The following PGGT1B variants were observed in gnomAD, a reference collection of about 807,000 sequenced individuals.
The protein encoded by PGGT1B is geranylgeranyl transferase type-1 subunit beta.
In PGGT1B, 30 loss-of-function variants were observed where a neutral mutation model predicts 46.1. That is an observed-to-expected ratio of 0.65 (90% CI 0.49 to 0.88). The LOEUF (loss-of-function observed/expected upper bound fraction) is 0.88. PGGT1B is among the 40% of genes least tolerant of loss of function. The pLI, the probability that PGGT1B is intolerant of heterozygous loss-of-function variation, is 0.00. For synonymous variants in PGGT1B, 170 were observed against 160.0 expected (o/e 1.06, Z -0.47); for missense variants, 376 against 455.9 (o/e 0.82, Z 1.60).
At chr5:115,215,999 T>C (rs1221742527) in intron 8 of PGGT1B, among the ~76,000 whole-genome samples, 4 of 152,154 alleles carry the variant, frequency 2.6e-5, no homozygotes, top group Admixed American at 2.0e-4. Context: ...TGCAGAATGA[T>C]GCTAGAGGTG....
chr5:115,260,332 G>T (rs1350521012), intron 1 of PGGT1B, among the ~76,000 whole-genome samples: 2 of 152,064 alleles, frequency 1.3e-5, no homozygotes, highest in Non-Finnish European at 2.9e-5. Flanking sequence ...ACGAACAGAG[G>T]AACACCTGAA....
At chr5:115,257,114 G>T (rs192346375) in intron 1 of PGGT1B, among the ~76,000 whole-genome samples, 462 of 152,142 alleles carry the variant, frequency 3.0e-3, no homozygotes, top group Non-Finnish European at 3.2e-3. Flanking sequence ...CAATCAAGTT[G>T]CTTTACCAAA....
chr5:115,253,185 C>G lies in PGGT1B; in HGVS notation c.211G>C (p.Asp71His). The G allele has an allele frequency of 6.2e-7, 1 of 1,605,582 alleles. No individual in the cohort carries two copies. The highest frequency in any genetic ancestry group is 8.5e-7 in the Non-Finnish European group (1 of 1,176,024). The change falls in exon 2 of 9, where the codon GAT becomes CAT. Residue 71 changes from aspartate (D) to histidine (H), a missense_variant. Asp to His is a moderately conservative substitution (Grantham distance 81). This residue lies in a region of PGGT1B where 154 missense variants were observed against 142.3 expected (regional missense o/e 1.08). Coordinates refer to ENST00000419445, the MANE Select transcript of PGGT1B (RefSeq NM_005023.4). ...LDSLDVVNKD[D>H]IIEWIYSLQV... is the part of the protein sequence containing the mutation. Reference sequence around the variant, plus strand: ...AGGGAATAAATCCACTCTATTATATCATCTTTGTTCACCACATCTAAGGAA... The same window carrying G: ...AGGGAATAAATCCACTCTATTATATGATCTTTGTTCACCACATCTAAGGAA...
Position 115,236,443 on chromosome 5 carries a change from T to C in PGGT1B, c.559A>G (p.Asn187Asp), listed in dbSNP as rs773460027. The change falls in exon 5 of 9, where the codon AAC becomes GAC. Residue 187 changes from asparagine to aspartate, a missense_variant. By Grantham distance (23) the Asn-to-Asp change is conservative. Around this residue, in one of 2 missense-constraint regions of PGGT1B, gnomAD observed 222 missense variants for 313.6 expected, o/e 0.71. Transcript: ENST00000419445. ...CASCICYMLN[N>D]WSGMDMKKAI... is the part of the protein sequence containing the mutation. ...TTTTTCATATCCATGCCTGACCAGT[T>C]GTTGAGCATATAGCAAATACAGGAA... 1.3e-6 allele frequency: 2 copies of C among 1,598,942 alleles called. No homozygotes were observed. The highest frequency in any genetic ancestry group is 2.3e-5 in the South Asian group (2 of 88,170).
Position 115,212,154 on chromosome 5 carries a change from A to G in PGGT1B, c.*248T>C, listed in dbSNP as rs1756252434. On this transcript the variant is annotated 3_prime_UTR_variant, in exon 9 of 9. Coordinates refer to ENST00000419445, the MANE Select transcript of PGGT1B (RefSeq NM_005023.4). Reference sequence around the variant, plus strand: ...ACATACAGTTAATTTGCCTCAAACAACTTCTTAGAAATACAGTATAAACAT... The same window carrying G: ...ACATACAGTTAATTTGCCTCAAACAGCTTCTTAGAAATACAGTATAAACAT... 4.2e-6 allele frequency: 2 copies of G among 481,454 alleles called. No homozygotes were observed. Among genetic ancestry groups the G allele is most frequent in the East Asian group, 4.2e-5 (1 of 23,630 alleles). The allele number at this position is 481,454 out of a possible 1,614,324, so 29.8% of individuals were successfully genotyped here. A position where few individuals can be genotyped will look rare whatever the true frequency, so the allele number is the denominator to read the frequency against.
chr5:115,251,649 G>C (rs1021399160), intron 2 of PGGT1B, among the ~76,000 whole-genome samples: 1 of 151,914 alleles, frequency 6.6e-6, no homozygotes, highest in African/African-American at 2.4e-5. Context: ...TTTCTATAAA[G>C]ACAATAGCTA....
At chr5:115,223,920 T>C (rs2126997466) in intron 6 of PGGT1B, among the ~76,000 whole-genome samples, 1 of 152,202 alleles carries the variant, frequency 6.6e-6, no homozygotes, top group East Asian at 1.9e-4. Context: ...TTGTTCCTAA[T>C]ACATCTCATG....
chr5:115,240,115 C>T (rs766540362), intron 3 of PGGT1B, among the ~76,000 whole-genome samples: 1 of 152,034 alleles, frequency 6.6e-6, no homozygotes, highest in Non-Finnish European at 1.5e-5. Flanking sequence ...TTCCTTTTAC[C>T]ACCCAGAATT....
At chr5:115,239,211 T>G (rs1288517526) in intron 3 of PGGT1B, among the ~76,000 whole-genome samples, 1 of 152,102 alleles carries the variant, frequency 6.6e-6, no homozygotes, top group Non-Finnish European at 1.5e-5. Context: ...TCCAGCTAAT[T>G]TTTGTATTTT....
At chr5:115,225,102 C>T (rs1302006647) in intron 6 of PGGT1B, among the ~76,000 whole-genome samples, 1 of 151,944 alleles carries the variant, frequency 6.6e-6, no homozygotes, top group East Asian at 1.9e-4. Flanking sequence ...TTGAATTCAT[C>T]AAGAAAAGGT....
chr5:115,237,550 T>A (rs1327061163), intron 4 of PGGT1B, among the ~76,000 whole-genome samples: 2 of 152,186 alleles, frequency 1.3e-5, no homozygotes, highest in African/African-American at 4.8e-5. Flanking sequence ...TACTTCAAAA[T>A]ATCAATTTTT....
At chr5:115,247,271 G>A (rs942482463) in intron 2 of PGGT1B, among the ~76,000 whole-genome samples, 1 of 152,006 alleles carries the variant, frequency 6.6e-6, no homozygotes, top group Non-Finnish European at 1.5e-5. Flanking sequence ...TTTTAATCAG[G>A]GGAGTTGCTT....
chr5:115,258,789 CA>C (rs1748429721), intron 1 of PGGT1B, among the ~76,000 whole-genome samples: 2 of 152,210 alleles, frequency 1.3e-5, no homozygotes, highest in African/African-American at 4.8e-5. Flanking sequence ...TTTGTCTAGT[CA>C]GGGGATTAGC....
intron 2 of PGGT1B, among the ~76,000 whole-genome samples, chr5:115,248,528 C>G (rs534400484): frequency 6.6e-6 from 1 of 152,312 alleles, no homozygotes; most frequent in Admixed American, 6.5e-5. Context: ...TTCCCGAATA[C>G]TTCCCTCCTG....
chr5:115,230,947 T>C (rs201504808), intron 6 of PGGT1B, 29 bp downstream of exon 6: 59 of 1,429,906 alleles, frequency 4.1e-5, no homozygotes, highest in Non-Finnish European at 5.5e-5. Flanking sequence ...CAAAAGAAAC[T>C]ACATGTTCAC....
chr5:115,262,877 C>T lies in PGGT1B; in HGVS notation c.-26G>A, dbSNP rs767097398. ...GCTGCTCCGGAAGCGACGTCCGCCG[C>T]GACCCGGAATCAGTGCCCGCGGAGA... is the stretch of plus-strand genomic sequence containing the variant. On this transcript the variant is annotated 5_prime_UTR_variant, in exon 1 of 9. Coordinates refer to ENST00000419445, the MANE Select transcript of PGGT1B (RefSeq NM_005023.4). 3.1e-6 allele frequency: 5 copies of T among 1,610,980 alleles called. No individual in the cohort carries two copies. Among genetic ancestry groups the T allele is most frequent in the South Asian group, 2.2e-5 (2 of 90,912 alleles).
rs376646382 is a variant in PGGT1B, at chr5:115,208,981, T to C, written c.*3421A>G. The C allele has an allele frequency of 1.3e-5, 2 of 151,984 alleles. No individual in the cohort carries two copies. Among genetic ancestry groups the C allele is most frequent in the Admixed American group, 6.6e-5 (1 of 15,212 alleles). 9.4% of individuals were successfully genotyped at this position (151,984 alleles called of 1,614,324 possible). On this transcript the variant is annotated 3_prime_UTR_variant, in exon 9 of 9. Transcript: ENST00000419445. ...TTTCTTATACTAACTTTGACTGGAG[T>C]TGGACTGTAATCCTGGCTCACTTAC...
At chr5:115,218,426 CTAATA>C (rs1394386541) in intron 7 of PGGT1B, among the ~76,000 whole-genome samples, 8 of 132,914 alleles carry the variant, frequency 6.0e-5, no homozygotes, top group African/African-American at 2.2e-4. Flanking sequence ...TCATATATAA[CTAATA>C]TATATTATAT....
rs755246932 is a variant in PGGT1B at position 115,253,162 on chromosome 5, G to T, written c.234C>A (p.Ser78=). The T allele has an allele frequency of 1.9e-6, 3 of 1,604,918 alleles. No homozygotes were observed. Among genetic ancestry groups the T allele is most frequent in the Non-Finnish European group, 2.6e-6 (3 of 1,176,404 alleles). ...NKDDIIEWIY[S]LQVLPTEDRS... The stretch of plus-strand genomic sequence containing the variant: ...TGTCTTCTGTGGGAAGGACCTGCAG[G>T]GAATAAATCCACTCTATTATATCAT... The change falls in exon 2 of 9, where the codon TCC becomes TCA. Residue 78 remains serine, a synonymous_variant. Transcript: ENST00000419445.
Sources: allele counts gnomAD v4.1 joint callset (sites outside exome capture counted in the v4.1 genomes callset), GRCh38; gene constraint gnomAD v4.1.1; regional missense constraint gnomAD v4.1.1; transcripts MANE v1.5; gene names NCBI Gene and HGNC (gene_info 2026-07-23, HGNC 2026-07-21).